ZBTB25: variants seen among roughly 807,000 people sequenced by gnomAD.
ZBTB25 encodes zinc finger and BTB domain-containing protein 25.
A neutral mutation model predicts 34.2 loss-of-function variants in ZBTB25; 20 were observed. That is an observed-to-expected ratio of 0.58 (90% CI 0.41 to 0.85). The LOEUF is 0.85. ZBTB25 is among the 40% of genes least tolerant of loss of function. The probability of loss-of-function intolerance (pLI) is 0.00; values close to 1 mark genes in which losing one functional copy is unlikely to be tolerated. For missense variants in ZBTB25, 437 were observed against 521.8 expected, an observed-to-expected ratio of 0.84 and a Z score of 1.58; for synonymous variants, 175 against 186.4, an observed-to-expected ratio of 0.94 and a Z score of 0.50.
rs1028383568 is a variant in ZBTB25 at position 64,489,784 on chromosome 14, T to G, written c.173+577A>C. ...CTCCTGACCTTGTGATCCGCCCACC[T>G]TGGCCTCCCAAAGTGCTGGGATTAC... On this transcript the variant is annotated intron_variant, in intron 2 of 2. Coordinates refer to ENST00000608382, the MANE Select transcript of ZBTB25 (RefSeq NM_006977.5). 3.3e-5 allele frequency among the ~76,000 whole-genome samples: 5 copies of G among 151,638 alleles called. No individual in the cohort carries two copies. The East Asian group carries it at 9.8e-4, about 30-fold the overall frequency.
At chr14:64,452,179 CAGCTACTTGG>C (rs2078384212) in intron 2 of ZBTB25, among the ~76,000 whole-genome samples, 1 of 152,136 alleles carries the variant, frequency 6.6e-6, no homozygotes, top group African/African-American at 2.4e-5. Context: ...CCTGTGATCC[CAGCTACTTGG>C]GAGGCTGAGG....
At chr14:64,495,922 T>A (rs1318382364) in intron 1 of ZBTB25, among the ~76,000 whole-genome samples, 1 of 148,644 alleles carries the variant, frequency 6.7e-6, no homozygotes. Flanking sequence ...GCTACTGCAC[T>A]CCAACCTGGG....
rs767011731 is a variant in ZBTB25 at position 64,454,822 on chromosome 14, C to T, written c.174-5184G>A. On this transcript the variant is annotated intron_variant, in intron 2 of 2. Coordinates refer to the ZBTB25 transcript ENST00000555220. ...CCCTACAGGCTTCATTCTGCCCATT[C>T]GCGACATCCGCGCCAGCGTTGGGGC... The T allele has an allele frequency of 1.8e-5, 29 of 1,614,074 alleles. No individual in the cohort carries two copies. The highest frequency in any genetic ancestry group is 1.6e-4 in the Middle Eastern group (1 of 6,084).
At chr14:64,493,844 CA>C (rs34544996) in intron 1 of ZBTB25, among the ~76,000 whole-genome samples, 339 of 134,890 alleles carry the variant, frequency 2.5e-3, no homozygotes, top group African/African-American at 2.7e-3. Context: ...GACCCCACCT[CA>C]AAAAAAAAAA....
chr14:64,482,382 C>A lies in ZBTB25; in HGVS notation c.*4541G>T, dbSNP rs113382541. On this transcript the variant is annotated 3_prime_UTR_variant, in exon 3 of 3. Coordinates refer to ENST00000608382, the MANE Select transcript of ZBTB25 (RefSeq NM_006977.5). Reference sequence around the variant, plus strand: ...AGAAGAATCGCTTGAACCTGGGAGGCGGAGGTTGCAGTGAGCCGAGATCGC... The same window carrying A: ...AGAAGAATCGCTTGAACCTGGGAGGAGGAGGTTGCAGTGAGCCGAGATCGC... 7.9e-5 allele frequency: 12 copies of A among 152,366 alleles called. 1 individual carries two copies. Among genetic ancestry groups the A allele is most frequent in the African/African-American group, 2.9e-4 (12 of 41,512 alleles). The allele number at this position is 152,366 out of a possible 1,614,324, so 9.4% of individuals were successfully genotyped here. A position where few individuals can be genotyped will look rare whatever the true frequency, so the allele number is the denominator to read the frequency against.
intron 2 of ZBTB25, among the ~76,000 whole-genome samples, chr14:64,489,204 T>G (rs983276942): frequency 6.6e-6 from 1 of 151,900 alleles, no homozygotes; most frequent in Non-Finnish European, 1.5e-5. Context: ...GCTGAGATCA[T>G]GCCACTGCAC....
At position 64,479,481 on chromosome 14, in the gene ZBTB25, A is replaced by G. The variant is rs1213791004; in HGVS notation, c.*7442T>C. On this transcript the variant is annotated 3_prime_UTR_variant, in exon 3 of 3. Coordinates refer to ENST00000608382, the MANE Select transcript of ZBTB25 (RefSeq NM_006977.5). ...AATGACTGGGCCATGGGCTGCCCCA[A>G]TAGTTAGTCAAACATTATTCTGGGT... 1.3e-5 allele frequency: 2 copies of G among 152,314 alleles called. No individual in the cohort carries two copies. Among genetic ancestry groups the G allele is most frequent in the East Asian group, 1.9e-4 (1 of 5,200 alleles). 9.4% of individuals were successfully genotyped at this position (152,314 alleles called of 1,614,324 possible). A position where few individuals can be genotyped will look rare whatever the true frequency, so the allele number is the denominator to read the frequency against.
intron 2 of ZBTB25, chr14:64,462,332 G>A (rs2078564646): frequency 6.6e-6 from 1 of 152,314 alleles, no homozygotes; most frequent in South Asian, 2.1e-4. Flanking sequence ...TGATGTGAGA[G>A]GTTTGCTTGA....
intron 2 of ZBTB25, chr14:64,462,265 C>A (rs2078563782): frequency 7.1e-6 from 1 of 139,862 alleles, no homozygotes; most frequent in Admixed American, 7.1e-5. Context: ...AAAAACAAAA[C>A]CCCAAAACTC....
chr14:64,469,822 G>A, intron 2 of ZBTB25: 1 of 615,904 alleles, frequency 1.6e-6, no homozygotes, highest in Non-Finnish European at 2.7e-6. Flanking sequence ...AAGTGCTAAA[G>A]ATTAAGTCAA....
chr14:64,455,755 A>C (rs2078462633), intron 2 of ZBTB25, among the ~76,000 whole-genome samples: 1 of 152,222 alleles, frequency 6.6e-6, no homozygotes, highest in Admixed American at 6.5e-5. Flanking sequence ...AGGACATTAG[A>C]GCTGAATTCA....
chr14:64,487,346 G>C lies in ZBTB25; in HGVS notation c.885C>G (p.Arg295=), dbSNP rs2078907950. 6.2e-7 allele frequency: 1 copy of C among 1,613,892 alleles called. No individual in the cohort carries two copies. Among genetic ancestry groups the C allele is most frequent in the African/African-American group, 1.3e-5 (1 of 74,920 alleles). Residue 295 remains arginine, a synonymous_variant, in exon 3 of 3, where the codon CGC becomes CGG. Coordinates refer to ENST00000608382, the MANE Select transcript of ZBTB25 (RefSeq NM_006977.5). The part of the protein sequence containing the change: ...LNENSEALEC[R]RLSSFIVKEN... ...CCTTAACAATGAAGGAGCTGAGCCT[G>C]CGGCATTCAAGGGCCTCGCTGTTTT...
rs2078852835 is a variant in ZBTB25, at chr14:64,485,881, C to T, written c.*1042G>A. 2.0e-6 allele frequency: 2 copies of T among 985,144 alleles called. No homozygotes were observed. Among genetic ancestry groups the T allele is most frequent in the African/African-American group, 1.7e-5 (1 of 57,178 alleles). The allele number at this position is 985,144 out of a possible 1,614,324, so 61.0% of individuals were successfully genotyped here. On this transcript the variant is annotated 3_prime_UTR_variant, in exon 3 of 3. Transcript: ENST00000608382. ...AAACACTCTAGACCAAGTTAACAAC[C>T]CTGGGGTTTTTAGTCAATGCAGTTC...
intron 2 of ZBTB25, among the ~76,000 whole-genome samples, chr14:64,453,103 G>T (rs956695464): frequency 1.3e-5 from 2 of 151,640 alleles, no homozygotes; most frequent in Non-Finnish European, 2.9e-5. Flanking sequence ...CTTAGCGAGA[G>T]ATTTTAAATA....
rs376862180 is a variant in ZBTB25, at chr14:64,459,622, G to T, written c.174-9984C>A. The T allele has an allele frequency of 3.0e-4, 212 of 704,368 alleles. 2 individuals are homozygous for T. The highest frequency in any genetic ancestry group is 2.8e-3 in the South Asian group (146 of 52,166). 43.6% of individuals were successfully genotyped at this position (704,368 alleles called of 1,614,324 possible). ...CAAGTCCATTTATGGACACGCCCTA[G>T]AAGAGCTGGTGGCAGGAAAGGATGT... On this transcript the variant is annotated intron_variant, in intron 2 of 2. Transcript: ENST00000555220.
intron 2 of ZBTB25, chr14:64,471,543 C>T (rs1566588797): frequency 6.0e-6 from 1 of 167,072 alleles, no homozygotes; most frequent in South Asian, 2.1e-4. Context: ...AGCATCTGAT[C>T]TCATCAATGA....
intron 2 of ZBTB25, chr14:64,455,140 C>G: frequency 2.2e-6 from 1 of 448,834 alleles, no homozygotes. Context: ...GGACAGTATG[C>G]TCTTCACTGA....
At chr14:64,495,641 C>T (rs1447562662) in intron 1 of ZBTB25, among the ~76,000 whole-genome samples, 1 of 152,188 alleles carries the variant, frequency 6.6e-6, no homozygotes, top group Non-Finnish European at 1.5e-5. Flanking sequence ...TTGTAATTCT[C>T]AAATGCCATC....
At chr14:64,475,004 G>T (rs2078706746), downstream of ZBTB25, among the ~76,000 whole-genome samples, 1 of 152,146 alleles carries the variant, frequency 6.6e-6, no homozygotes, top group South Asian at 2.1e-4. Flanking sequence ...AGGAAGGACT[G>T]TACTTTCCAA....
Sources: gnomAD v4.1 joint callset for allele counts (sites outside exome capture counted in the v4.1 genomes callset) on GRCh38, gnomAD v4.1.1 for gene constraint, MANE v1.5 for transcripts, NCBI Gene and HGNC (gene_info 2026-07-23, HGNC 2026-07-21) for gene names.